Variants in ADGRL2 observed in about 807,000 individuals in gnomAD.
The protein encoded by ADGRL2 is adhesion G protein-coupled receptor L2, also known as calcium-independent alpha-latrotoxin receptor 2.
ADGRL2 carries 44 observed loss-of-function variants against 157.4 expected under a neutral mutation model. The observed-to-expected ratio is 0.28, with a 90% confidence interval of 0.22 to 0.36. The LOEUF (loss-of-function observed/expected upper bound fraction) is 0.36. Ranked by LOEUF, ADGRL2 falls within the 10% of genes least tolerant of loss-of-function variation. The probability of loss-of-function intolerance (pLI) is 1.00; values close to 1 mark genes in which losing one functional copy is unlikely to be tolerated. For synonymous variants in ADGRL2, 585 were observed against 624.7 expected, an observed-to-expected ratio of 0.94 and a Z score of 0.95; for missense variants, 1,510 against 1,768.9, an observed-to-expected ratio of 0.85 and a Z score of 2.63.
At chr1:81,534,028 G>A (rs78461541) in intron 2 of ADGRL2, among the ~76,000 whole-genome samples, 214 of 152,280 alleles carry the variant, frequency 1.4e-3, no homozygotes, top group Middle Eastern at 3.4e-3. Context: ...CTAGACTATC[G>A]TCAACCCAAA....
At chr1:81,844,143 T>C (rs1422921198) in intron 2 of ADGRL2, among the ~76,000 whole-genome samples, 1 of 152,186 alleles carries the variant, frequency 6.6e-6, no homozygotes, top group African/African-American at 2.4e-5. Flanking sequence ...AATAATTTGC[T>C]AAAAGTAAAA....
chr1:81,843,223 C>T (rs920728118), intron 2 of ADGRL2, among the ~76,000 whole-genome samples: 1 of 152,082 alleles, frequency 6.6e-6, no homozygotes, highest in African/African-American at 2.4e-5. Context: ...ACCTCGGCCT[C>T]CTGGGTTCAA....
intron 11 of ADGRL2, among the ~76,000 whole-genome samples, chr1:81,957,577 G>A (rs13374067): frequency 0.28 from 42,241 of 151,826 alleles, 6,391 homozygotes; most frequent in Middle Eastern, 0.37. Flanking sequence ...ACATGGTGGC[G>A]CATGCCTGTA....
chr1:81,866,781 C>G (rs1194621838), intron 2 of ADGRL2, among the ~76,000 whole-genome samples: 1 of 152,070 alleles, frequency 6.6e-6, no homozygotes, highest in African/African-American at 2.4e-5. Flanking sequence ...TTTCTGCAAG[C>G]ATAGCTTAAT....
chr1:81,873,317 C>A (rs566498756), intron 2 of ADGRL2, among the ~76,000 whole-genome samples: 3 of 152,128 alleles, frequency 2.0e-5, no homozygotes, highest in Non-Finnish European at 4.4e-5. Flanking sequence ...TTATCATTAG[C>A]CTCTTTTTAT....
At chr1:81,592,417 T>C (rs2081150264) in intron 3 of ADGRL2, among the ~76,000 whole-genome samples, 1 of 152,230 alleles carries the variant, frequency 6.6e-6, no homozygotes, top group Non-Finnish European at 1.5e-5. Flanking sequence ...TGCTGACCCC[T>C]GATCTTATCT....
At chr1:81,693,766 C>T (rs2083388593) in intron 3 of ADGRL2, among the ~76,000 whole-genome samples, 1 of 152,170 alleles carries the variant, frequency 6.6e-6, no homozygotes, top group Non-Finnish European at 1.5e-5. Flanking sequence ...GAAGACAATA[C>T]TCTGTTTTAC....
intron 3 of ADGRL2, among the ~76,000 whole-genome samples, chr1:81,598,977 G>A (rs749122701): frequency 2.0e-5 from 3 of 152,212 alleles, no homozygotes; most frequent in Admixed American, 2.0e-4. Context: ...CCTCTTGGGA[G>A]GGTGCTTATG....
intron 3 of ADGRL2, among the ~76,000 whole-genome samples, chr1:81,692,561 T>C (rs1036542954): frequency 9.2e-5 from 14 of 152,134 alleles, no homozygotes; most frequent in Non-Finnish European, 2.1e-4. Context: ...ACAAGTAGGC[T>C]TGTGCAAAAA....
At chr1:81,869,768 CTTTA>C (rs1198374220) in intron 2 of ADGRL2, among the ~76,000 whole-genome samples, 3 of 151,700 alleles carry the variant, frequency 2.0e-5, no homozygotes, top group African/African-American at 4.8e-5. Context: ...CAGATGCATA[CTTTA>C]TTTAGGTAGA....
intron 2 of ADGRL2, among the ~76,000 whole-genome samples, chr1:81,891,711 C>CT (rs1557857103): frequency 1.3e-5 from 2 of 151,940 alleles, no homozygotes; most frequent in South Asian, 4.1e-4. Flanking sequence ...GACAGCTGAT[C>CT]TTTTTTTGCT....
intron 2 of ADGRL2, among the ~76,000 whole-genome samples, chr1:81,521,967 G>GTTTT (rs200860680): frequency 7.2e-6 from 1 of 139,426 alleles, no homozygotes; most frequent in African/African-American, 2.6e-5. Flanking sequence ...TGTACTTTTT[G>GTTTT]TTTTTTTTTT....
Position 81,460,230 on chromosome 1 carries a change from G to T in ADGRL2, c.-248+15141G>T. On this transcript the variant is annotated intron_variant, in intron 2 of 24. Transcript: ENST00000370721. ...CTCCCATTTGCCTATTTTTATTTTTGTCATGTAAATTTTTATATTAATGAT... is the reference window on the plus strand; with the variant it reads ...CTCCCATTTGCCTATTTTTATTTTTTTCATGTAAATTTTTATATTAATGAT... Among the ~76,000 whole-genome samples the T allele has an allele frequency of 2.0e-5, 3 of 151,030 alleles. No homozygotes were observed. In the East Asian group the frequency reaches 5.8e-4, roughly 29 times the overall value.
chr1:81,843,447 T>C (rs1444646410), intron 2 of ADGRL2, among the ~76,000 whole-genome samples: 1 of 152,180 alleles, frequency 6.6e-6, no homozygotes, highest in Non-Finnish European at 1.5e-5. Flanking sequence ...ATGATTTTAT[T>C]TAAGAAAATA....
intron 1 of ADGRL2, among the ~76,000 whole-genome samples, chr1:81,376,907 C>G (rs964540344): frequency 6.6e-6 from 1 of 152,126 alleles, no homozygotes; most frequent in Non-Finnish European, 1.5e-5. Flanking sequence ...AACAACCAGG[C>G]TTGATGCAGT....
intron 1 of ADGRL2, among the ~76,000 whole-genome samples, chr1:81,421,596 T>C (rs2077125616): frequency 6.6e-6 from 1 of 152,196 alleles, no homozygotes; most frequent in South Asian, 2.1e-4. Context: ...TGTGGATCTG[T>C]CTTGCCCACG....
intron 1 of ADGRL2, among the ~76,000 whole-genome samples, chr1:81,716,068 A>G (rs936892402): frequency 6.6e-6 from 1 of 152,252 alleles, no homozygotes; most frequent in Non-Finnish European, 1.5e-5. Flanking sequence ...GTGATAGAGA[A>G]GAAAGAAAGG....
chr1:81,676,762 C>T (rs1463644990), intron 3 of ADGRL2, among the ~76,000 whole-genome samples: 2 of 150,422 alleles, frequency 1.3e-5, no homozygotes, highest in African/African-American at 4.9e-5. Flanking sequence ...TCTCAGCTCA[C>T]TGCAAACTCC....
At chr1:81,976,380 G>C (rs17431272) in intron 17 of ADGRL2, among the ~76,000 whole-genome samples, 33,807 of 151,854 alleles carry the variant, frequency 0.22, 4,580 homozygotes, top group Middle Eastern at 0.34. Context: ...CAGAGGCTAA[G>C]TTAGTGTTGG....
Sources: allele counts gnomAD v4.1 joint callset (sites outside exome capture counted in the v4.1 genomes callset), GRCh38; gene constraint gnomAD v4.1.1; transcripts MANE v1.5; gene names NCBI Gene and HGNC (gene_info 2026-07-23, HGNC 2026-07-21).